Variants in LRCH3 observed in about 807,000 individuals in gnomAD.
LRCH3 encodes the protein leucine rich repeats and calponin homology domain containing 3.
Under a neutral mutation model 104.5 loss-of-function variants are expected in LRCH3, and 68 were observed. The observed-to-expected ratio is 0.65, with a 90% CI of 0.54 to 0.80. LRCH3 has a LOEUF of 0.80. Ranked by LOEUF, LRCH3 falls within the 30% of genes least tolerant of loss-of-function variation. The pLI, the probability that LRCH3 is intolerant of heterozygous loss-of-function variation, is 0.00. For synonymous variants in LRCH3, 344 were observed against 361.3 expected (o/e 0.95, Z 0.54); for missense variants, 951 against 953.9 (o/e 1.00, Z 0.04).
chr3:197,830,354 G>C lies in LRCH3; in HGVS notation c.888-416G>C, dbSNP rs75493284. On this transcript the variant is annotated intron_variant, in intron 6 of 20. Transcript: ENST00000425562. ...ACCTCAGCCTCCTGAGTATGGAGCAGTCTTAAGTAGCAAGAATTAAATTCT... is the reference window on the plus strand; with the variant it reads ...ACCTCAGCCTCCTGAGTATGGAGCACTCTTAAGTAGCAAGAATTAAATTCT... Among the ~76,000 whole-genome samples, 17 of 152,282 alleles carry C rather than the reference G, an allele frequency of 1.1e-4. 1 individual carries two copies. The East Asian group carries it at 3.3e-3, about 29-fold the overall frequency.
At chr3:197,860,851 T>G (rs1000797719) in intron 15 of LRCH3, among the ~76,000 whole-genome samples, 1 of 152,016 alleles carries the variant, frequency 6.6e-6, no homozygotes, top group African/African-American at 2.4e-5. Context: ...TTCTTTTTAT[T>G]TTTTTTGGAC....
intron 20 of LRCH3, among the ~76,000 whole-genome samples, chr3:197,879,496 A>AG (rs530483296): frequency 8.3e-4 from 123 of 148,146 alleles, no homozygotes; most frequent in South Asian, 1.9e-3. Context: ...AATACAAAAA[A>AG]TTAGCCGGGC....
At chr3:197,877,573 CTT>C (rs1291186206) in intron 20 of LRCH3, among the ~76,000 whole-genome samples, 1 of 152,042 alleles carries the variant, frequency 6.6e-6, no homozygotes. Context: ...CAGTGATTCT[CTT>C]TACCCAGTTC....
intron 17 of LRCH3, among the ~76,000 whole-genome samples, 166 bp downstream of exon 17, chr3:197,866,385 A>T (rs920417686): frequency 3.3e-5 from 5 of 152,210 alleles, no homozygotes; most frequent in Non-Finnish European, 5.9e-5. Flanking sequence ...GGAAAATCTT[A>T]TCTGAATTTG....
At chr3:197,881,448 G>C in intron 20 of LRCH3, 4 of 985,476 alleles carry the variant, frequency 4.1e-6, no homozygotes, top group Non-Finnish European at 4.8e-6. Context: ...TCTCAGGGTG[G>C]GCACCTTCCA....
intron 1 of LRCH3, among the ~76,000 whole-genome samples, chr3:197,802,510 T>G (rs1732012325): frequency 6.6e-6 from 1 of 152,184 alleles, no homozygotes; most frequent in Admixed American, 6.5e-5. Context: ...GGTATCAGGG[T>G]AATGCTGGCC....
At position 197,796,428 on chromosome 3, in the gene LRCH3, A is replaced by G. The variant is rs75386068; in HGVS notation, c.262+4888A>G. Reference sequence around the variant, plus strand: ...ATAACAGAAAGCTGTGAGGGAATGAAATCCTGGTACACTGAGATCATACTG... The same window carrying G: ...ATAACAGAAAGCTGTGAGGGAATGAGATCCTGGTACACTGAGATCATACTG... On this transcript the variant is annotated intron_variant, in intron 1 of 20. Coordinates refer to ENST00000425562, the MANE Select transcript of LRCH3 (RefSeq NM_001365715.1). Among the ~76,000 whole-genome samples, 437 of 152,342 alleles carry G rather than the reference A, an allele frequency of 2.9e-3. 1 individual carries two copies. The highest frequency in any genetic ancestry group is 5.1e-3 in the Non-Finnish European group (347 of 68,028).
rs11420466 is a variant in LRCH3, at chr3:197,792,577, TTATATATATA to T, written c.262+1056_262+1065del. 8.3e-3 allele frequency among the ~76,000 whole-genome samples: 168 copies of T among 20,346 alleles called. 34 individuals carry two copies. The East Asian group carries it at 0.1, about 12-fold the overall frequency. The allele number at this position is 20,346 out of a possible 152,430, so 13.3% of individuals were successfully genotyped here. On this transcript the variant is annotated intron_variant, in intron 1 of 20. Transcript: ENST00000425562. ...CAGCCGCCACCACGCCCAGCTAATT[TTATATATATA>T]TATATATATATATATATAAAATATA...
intron 8 of LRCH3, 37 bp from the exon 9 acceptor site, chr3:197,835,637 G>GTGTT: frequency 1.3e-6 from 2 of 1,484,686 alleles, no homozygotes; most frequent in South Asian, 2.7e-5. Flanking sequence ...TTTTTCTGGT[G>GTGTT]TGTGTGTGTG....
chr3:197,850,408 G>A (rs563097642), intron 12 of LRCH3: 24 of 1,146,020 alleles, frequency 2.1e-5, no homozygotes, highest in South Asian at 5.0e-5. Flanking sequence ...ATTTACTCCC[G>A]TGCCGTAAGT....
chr3:197,851,244 G>A (rs1386456284), intron 12 of LRCH3, among the ~76,000 whole-genome samples: 1 of 152,178 alleles, frequency 6.6e-6, no homozygotes, highest in African/African-American at 2.4e-5. Flanking sequence ...CACACAGCCA[G>A]TAAGAGATAG....
rs536133655 is a variant in LRCH3, at chr3:197,888,365, T to C, written c.*4699T>C. The C allele has an allele frequency of 6.6e-6, 1 of 152,374 alleles. No individual in the cohort carries two copies. Among genetic ancestry groups the C allele is most frequent in the East Asian group, 1.9e-4 (1 of 5,192 alleles). 9.4% of individuals were successfully genotyped at this position (152,374 alleles called of 1,614,324 possible). ...TATGTCAGTATCATGTATGTTATTT[T>C]AAATTGCCTGTACGCCACTTTACAC... On this transcript the variant is annotated 3_prime_UTR_variant, in exon 21 of 21. Coordinates refer to ENST00000425562, the MANE Select transcript of LRCH3 (RefSeq NM_001365715.1).
intron 9 of LRCH3, among the ~76,000 whole-genome samples, chr3:197,838,190 T>C (rs1450989813): frequency 6.6e-6 from 1 of 152,224 alleles, no homozygotes; most frequent in Non-Finnish European, 1.5e-5. Flanking sequence ...GAGGCTGAAG[T>C]AGGAAGACTG....
At chr3:197,820,455 C>T in intron 4 of LRCH3, 25 bp downstream of exon 4, 1 of 1,364,694 alleles carries the variant, frequency 7.3e-7, no homozygotes, top group Non-Finnish European at 1.0e-6. Context: ...AATAAGAAAC[C>T]ATGAAATAAT....
chr3:197,813,987 C>A lies in LRCH3; in HGVS notation c.263-921C>A, dbSNP rs570386397. On this transcript the variant is annotated intron_variant, in intron 1 of 20. Coordinates refer to ENST00000425562, the MANE Select transcript of LRCH3 (RefSeq NM_001365715.1). ...TTTATACAGAGATGCTCCCATCCATCTATTGTTTACTCAGTGATACCTTTA... is the reference window on the plus strand; with the variant it reads ...TTTATACAGAGATGCTCCCATCCATATATTGTTTACTCAGTGATACCTTTA... Among the ~76,000 whole-genome samples, 11 of 152,300 alleles carry A rather than the reference C, an allele frequency of 7.2e-5. No individual in the cohort carries two copies. In the South Asian group the frequency reaches 2.3e-3, roughly 32 times the overall value.
intron 10 of LRCH3, among the ~76,000 whole-genome samples, chr3:197,845,143 A>T (rs1297815746): frequency 6.6e-6 from 1 of 152,140 alleles, no homozygotes; most frequent in Non-Finnish European, 1.5e-5. Flanking sequence ...AAATGAATCT[A>T]TGTACTTGTA....
At position 197,829,569 on chromosome 3, in the gene LRCH3, T is replaced by G. The variant is rs146894412; in HGVS notation, c.783T>G (p.Cys261Trp). The G allele has an allele frequency of 1.2e-6, 2 of 1,605,412 alleles. No individual in the cohort carries two copies. The highest frequency in any genetic ancestry group is 1.7e-6 in the Non-Finnish European group (2 of 1,175,952). Residue 261 changes from cysteine (C) to tryptophan (W), a missense_variant, in exon 6 of 21, where the codon TGT (cysteine) becomes TGG (tryptophan). Physicochemically the swap from Cys to Trp is radical, Grantham distance 215. Coordinates refer to ENST00000425562, the MANE Select transcript of LRCH3 (RefSeq NM_001365715.1). ...NPLQSPPAQICIKGKVHIFKY... is the reference protein window; with the variant it reads ...NPLQSPPAQIWIKGKVHIFKY... ...ATCTGTGTGACTTTATTTAGATATG[T>G]ATAAAAGGCAAAGTCCACATATTTA...
chr3:197,802,296 C>T (rs914278942), intron 1 of LRCH3, among the ~76,000 whole-genome samples: 5 of 152,280 alleles, frequency 3.3e-5, no homozygotes, highest in African/African-American at 1.2e-4. Context: ...CCATTTTGTG[C>T]TGCTATAACA....
chr3:197,792,397 A>G (rs1264129505), intron 1 of LRCH3, among the ~76,000 whole-genome samples: 1 of 149,580 alleles, frequency 6.7e-6, no homozygotes, highest in African/African-American at 2.5e-5. Flanking sequence ...GAAAGTAGGT[A>G]TTATTTGGCT....
Sources: allele counts gnomAD v4.1 joint callset (sites outside exome capture counted in the v4.1 genomes callset), GRCh38; gene constraint gnomAD v4.1.1; transcripts MANE v1.5; gene names NCBI Gene and HGNC (gene_info 2026-07-23, HGNC 2026-07-21).